Variants in KCNQ1 observed in about 807,000 individuals in gnomAD.
KCNQ1 encodes the protein potassium voltage-gated channel subfamily Q member 1.
In KCNQ1, 49 loss-of-function variants were observed where a neutral mutation model predicts 72.4. The ratio of observed to expected loss-of-function variants is 0.68; its 90% CI spans 0.54 to 0.86. The LOEUF is 0.86. Among genes scored for constraint, KCNQ1 ranks in the 40% least tolerant of loss-of-function variants. KCNQ1 has a pLI of 0.00. For synonymous variants in KCNQ1, 450 were observed against 412.6 expected, an observed-to-expected ratio of 1.09 and a Z score of -1.10; for missense variants, 790 against 945.1, an observed-to-expected ratio of 0.84 and a Z score of 2.15.
rs980421314 is a variant in KCNQ1, at chr11:2,659,004, A to G, written c.1394-2957A>G. Reference sequence around the variant, plus strand: ...TCAAAACAGTGTTTTTGAAAGCAACATATGCCAGCTCCTCCTCCTCCTTTC... The same window carrying G: ...TCAAAACAGTGTTTTTGAAAGCAACGTATGCCAGCTCCTCCTCCTCCTTTC... On this transcript the variant is annotated intron_variant, in intron 10 of 15. Transcript: ENST00000155840. This position sits in a 1 kb window ranked among gnomAD's most constrained non-coding sequence, Gnocchi z 4.3. 2 of 398,484 alleles carry G rather than the reference A, an allele frequency of 5.0e-6. No homozygotes were observed. The highest frequency in any genetic ancestry group is 3.6e-5 in the East Asian group (1 of 28,094). The allele number at this position is 398,484 out of a possible 1,614,324, so 24.7% of individuals were successfully genotyped here. A position where few individuals can be genotyped will look rare whatever the true frequency, so the allele number is the denominator to read the frequency against.
At chr11:2,585,386 A>G (rs1848579139) in intron 8 of KCNQ1, 79 bp downstream of exon 8, 2 of 1,279,328 alleles carry the variant, frequency 1.6e-6, no homozygotes, top group Non-Finnish European at 1.1e-6. Flanking sequence ...GCCACCTGTC[A>G]GAACCATCAT....
intron 10 of KCNQ1, among the ~76,000 whole-genome samples, chr11:2,597,217 TCA>T (rs1327770485): frequency 6.6e-6 from 1 of 152,176 alleles, no homozygotes; most frequent in African/African-American, 2.4e-5. Flanking sequence ...ATGGAAACTC[TCA>T]GTCTCAGTCA....
In KCNQ1 at chr11:2,592,178, C is replaced by T. The variant is rs899344470; in HGVS notation, c.1393+3324C>T. Among the ~76,000 whole-genome samples the T allele has an allele frequency of 1.3e-5, 2 of 152,240 alleles. No individual in the cohort carries two copies. Among genetic ancestry groups the T allele is most frequent in the Non-Finnish European group, 2.9e-5 (2 of 68,040 alleles). On this transcript the variant is annotated intron_variant, in intron 10 of 15. Coordinates refer to ENST00000155840, the MANE Select transcript of KCNQ1 (RefSeq NM_000218.3). The surrounding 1 kb of genome is among the most constrained non-coding windows in gnomAD (Gnocchi z 5.2). ...CACCTGCACACAAGCCCCTTCAGCT[C>T]GTGCTCTAGCTGGTGCTGTGCGGTG...
intron 15 of KCNQ1, among the ~76,000 whole-genome samples, chr11:2,822,168 G>T (rs1353849218): frequency 6.6e-6 from 1 of 152,204 alleles, no homozygotes; most frequent in Admixed American, 6.5e-5. Flanking sequence ...ACCGGAGAAG[G>T]TGAGGAATGA....
chr11:2,607,930 C>T (rs1848907442), intron 10 of KCNQ1, among the ~76,000 whole-genome samples: 1 of 152,036 alleles, frequency 6.6e-6, no homozygotes, highest in South Asian at 2.1e-4. Context: ...ATACAAAAAT[C>T]AATAGTATTC....
chr11:2,820,403 G>A (rs1384949311), intron 15 of KCNQ1, among the ~76,000 whole-genome samples: 1 of 152,120 alleles, frequency 6.6e-6, no homozygotes, highest in Non-Finnish European at 1.5e-5. Flanking sequence ...TTTACATCAA[G>A]GTACAGATTT....
At chr11:2,583,381 C>T in intron 6 of KCNQ1, 54 bp from the exon 7 acceptor site, 2 of 1,299,370 alleles carry the variant, frequency 1.5e-6, no homozygotes, top group Non-Finnish European at 1.1e-6. Context: ...AGGCAGTTGG[C>T]CCTCCCGAGG....
In KCNQ1 at chr11:2,746,214, A is replaced by G. The variant is rs529860810; in HGVS notation, c.1515-22630A>G. ...CTCTTGCCGTCATTTTTTTTATTTT[A>G]AATAAACTTTGATTTTAGAATAGTT... On this transcript the variant is annotated intron_variant, in intron 11 of 15. Transcript: ENST00000155840. The surrounding 1 kb of genome is among the most constrained non-coding windows in gnomAD (Gnocchi z 5.9). Among the ~76,000 whole-genome samples the G allele has an allele frequency of 1.3e-5, 2 of 152,128 alleles. No homozygotes were observed. The highest frequency in any genetic ancestry group is 3.9e-4 in the East Asian group (2 of 5,160).
intron 1 of KCNQ1, among the ~76,000 whole-genome samples, chr11:2,514,873 A>T (rs1309070270): frequency 1.3e-5 from 2 of 152,136 alleles, no homozygotes; most frequent in Non-Finnish European, 2.9e-5. Context: ...CCAAGTAGGG[A>T]TGAACCCTGA....
intron 11 of KCNQ1, among the ~76,000 whole-genome samples, chr11:2,740,357 A>G (rs957663678): frequency 5.3e-5 from 8 of 152,220 alleles, no homozygotes; most frequent in Non-Finnish European, 1.0e-4. Context: ...CTCCAAATAT[A>G]CTTAGATAAG....
At chr11:2,800,150 C>T (rs1160185604) in intron 15 of KCNQ1, among the ~76,000 whole-genome samples, 1 of 152,190 alleles carries the variant, frequency 6.6e-6, no homozygotes, top group Non-Finnish European at 1.5e-5. Context: ...CCAGAGCCCA[C>T]AGCCCCACCC....
intron 12 of KCNQ1, among the ~76,000 whole-genome samples, chr11:2,775,229 A>G (rs1345064777): frequency 1.3e-5 from 2 of 152,164 alleles, no homozygotes; most frequent in Non-Finnish European, 2.9e-5. Flanking sequence ...GGGTTTCCTG[A>G]TATCATGAGA....
chr11:2,591,224 A>G (rs1222327886), intron 10 of KCNQ1, among the ~76,000 whole-genome samples: 1 of 152,196 alleles, frequency 6.6e-6, no homozygotes, highest in Non-Finnish European at 1.5e-5. Context: ...AGGATGGCTC[A>G]CCTGCATCCC....
intron 1 of KCNQ1, among the ~76,000 whole-genome samples, chr11:2,476,071 G>A (rs188988854): frequency 6.6e-6 from 1 of 152,212 alleles, no homozygotes; most frequent in Non-Finnish European, 1.5e-5. Context: ...TCGAGTCTCT[G>A]GTAGATCAAG....
chr11:2,577,761 CGGCCCCACGGG>C (rs1379360744), intron 6 of KCNQ1, among the ~76,000 whole-genome samples: 7 of 152,140 alleles, frequency 4.6e-5, no homozygotes, highest in Non-Finnish European at 1.0e-4. Flanking sequence ...GTCTCCAGGG[CGGCCCCACGGG>C]GGCTGGGCGT....
At chr11:2,505,884 C>T (rs539354154) in intron 1 of KCNQ1, among the ~76,000 whole-genome samples, 41 of 152,254 alleles carry the variant, frequency 2.7e-4, no homozygotes, top group African/African-American at 9.6e-4. Context: ...GGCTCTAACG[C>T]GAGTCTCTAG....
chr11:2,660,077 C>A (rs1021121831), intron 10 of KCNQ1: 6 of 398,226 alleles, frequency 1.5e-5, no homozygotes, highest in African/African-American at 1.0e-4. Flanking sequence ...TTTTCTCTTA[C>A]GAGTTAAACT....
At chr11:2,800,503 C>G (rs1008645823) in intron 15 of KCNQ1, among the ~76,000 whole-genome samples, 1 of 152,218 alleles carries the variant, frequency 6.6e-6, no homozygotes, top group Non-Finnish European at 1.5e-5. Context: ...CAGCCCTCCC[C>G]ACTTTGCCTG....
intron 10 of KCNQ1, chr11:2,610,133 A>G: frequency 2.5e-6 from 1 of 397,730 alleles, no homozygotes; most frequent in Non-Finnish European, 4.4e-6. Flanking sequence ...CTACTTTCTA[A>G]TATAAATTTT....
Sources: gnomAD v4.1 joint callset for allele counts (sites outside exome capture counted in the v4.1 genomes callset) on GRCh38, gnomAD v4.1.1 for gene constraint, Gnocchi (gnomAD v3.1) non-coding constraint, MANE v1.5 for transcripts, NCBI Gene and HGNC (gene_info 2026-07-23, HGNC 2026-07-21) for gene names.